Variants in ERC2 observed in about 807,000 individuals in gnomAD.
ERC2 encodes the protein ELKS/RAB6-interacting/CAST family member 2.
Under a neutral mutation model 114.8 loss-of-function variants are expected in ERC2, and 42 were observed. That is an observed-to-expected ratio of 0.37 (90% CI 0.29 to 0.47). ERC2 has a LOEUF of 0.47. ERC2 is among the 20% of genes least tolerant of loss of function. The pLI is 0.99. For missense variants in ERC2, 939 were observed against 1,150.7 expected (o/e 0.82, Z 2.66); for synonymous variants, 454 against 425.5 (o/e 1.07, Z -0.82).
chr3:56,194,295 A>G (rs961222602), intron 3 of ERC2, among the ~76,000 whole-genome samples: 2 of 151,990 alleles, frequency 1.3e-5, no homozygotes, highest in African/African-American at 4.8e-5. Context: ...CTTTATTTGG[A>G]AAAAAAAGGT....
chr3:55,571,299 C>T (rs996652046), intron 17 of ERC2, among the ~76,000 whole-genome samples: 1 of 151,978 alleles, frequency 6.6e-6, no homozygotes, highest in East Asian at 1.9e-4. Context: ...GCCTTAGGGA[C>T]CTGAAGGACA....
At chr3:56,202,497 C>G (rs1560363726) in intron 3 of ERC2, among the ~76,000 whole-genome samples, 1 of 116,296 alleles carries the variant, frequency 8.6e-6, no homozygotes, top group Non-Finnish European at 1.9e-5. Context: ...TCTCTAAACT[C>G]AAGCTTTTTT....
intron 2 of ERC2, among the ~76,000 whole-genome samples, chr3:56,380,910 A>C (rs895081070): frequency 2.0e-5 from 3 of 152,226 alleles, no homozygotes; most frequent in Admixed American, 2.0e-4. Flanking sequence ...CCATCAAACT[A>C]GGCCAATTTA....
At chr3:56,026,185 G>C (rs2074040867) in intron 7 of ERC2, among the ~76,000 whole-genome samples, 2 of 150,970 alleles carry the variant, frequency 1.3e-5, no homozygotes, top group African/African-American at 4.9e-5. Flanking sequence ...AAGTAGCTGG[G>C]ACTACAGGTG....
chr3:56,362,959 C>A (rs2059013921), intron 2 of ERC2, among the ~76,000 whole-genome samples: 1 of 152,198 alleles, frequency 6.6e-6, no homozygotes, highest in African/African-American at 2.4e-5. Context: ...ATCACCTGGT[C>A]TCCTTTGGGA....
intron 3 of ERC2, among the ~76,000 whole-genome samples, chr3:56,230,680 T>C (rs1478529110): frequency 6.6e-6 from 1 of 152,248 alleles, no homozygotes; most frequent in South Asian, 2.1e-4. Context: ...TGCAGAATTA[T>C]GTATGTAAGA....
At chr3:55,520,909 G>C (rs1226303739) in intron 17 of ERC2, among the ~76,000 whole-genome samples, 2 of 152,208 alleles carry the variant, frequency 1.3e-5, no homozygotes, top group Non-Finnish European at 2.9e-5. Flanking sequence ...TAAGAAAGCT[G>C]TCATGTTCGG....
chr3:56,259,796 G>A (rs2052792831), intron 3 of ERC2, among the ~76,000 whole-genome samples: 2 of 152,130 alleles, frequency 1.3e-5, no homozygotes, highest in African/African-American at 4.8e-5. Flanking sequence ...AGCAAGCTAG[G>A]CCTGACTGGT....
intron 14 of ERC2, among the ~76,000 whole-genome samples, chr3:55,742,160 A>G (rs922425214): frequency 9.2e-5 from 14 of 151,798 alleles, no homozygotes; most frequent in African/African-American, 3.4e-4. Context: ...ATCTCCTGCC[A>G]AGATAAATGC....
intron 17 of ERC2, among the ~76,000 whole-genome samples, chr3:55,622,786 T>C (rs1432904409): frequency 6.6e-6 from 1 of 152,000 alleles, no homozygotes; most frequent in Non-Finnish European, 1.5e-5. Flanking sequence ...GTCATATTAC[T>C]GGAAGAGTGA....
At chr3:55,914,126 AT>A (rs1313044502) in intron 13 of ERC2, among the ~76,000 whole-genome samples, 7 of 152,192 alleles carry the variant, frequency 4.6e-5, no homozygotes, top group Non-Finnish European at 7.3e-5. Context: ...AATTTAAAAA[AT>A]ATTTTCAGTT....
chr3:55,849,368 T>C (rs7631846), intron 14 of ERC2, among the ~76,000 whole-genome samples: 17,268 of 152,218 alleles, frequency 0.11, 1,806 homozygotes, highest in African/African-American at 0.28. Flanking sequence ...AATGTCTATT[T>C]GCTTTAGGCC....
intron 15 of ERC2, among the ~76,000 whole-genome samples, chr3:55,731,935 C>T (rs756872220): frequency 1.3e-5 from 2 of 152,120 alleles, no homozygotes; most frequent in Non-Finnish European, 2.9e-5. Context: ...ATCTACTTTA[C>T]GTTTATGAAG....
At chr3:55,590,146 A>C (rs1049342097) in intron 17 of ERC2, among the ~76,000 whole-genome samples, 1 of 152,236 alleles carries the variant, frequency 6.6e-6, no homozygotes, top group Non-Finnish European at 1.5e-5. Context: ...AACGATGGCC[A>C]ATGAACAAAT....
chr3:55,554,983 T>A (rs2055496905), intron 17 of ERC2, among the ~76,000 whole-genome samples: 1 of 152,132 alleles, frequency 6.6e-6, no homozygotes, highest in South Asian at 2.1e-4. Context: ...GCCCTGGCTC[T>A]CAGACAGAAA....
At chr3:55,849,289 G>A (rs1246492614) in intron 14 of ERC2, among the ~76,000 whole-genome samples, 1 of 152,168 alleles carries the variant, frequency 6.6e-6, no homozygotes, top group Non-Finnish European at 1.5e-5. Context: ...ATCTGGACAT[G>A]TAGGAAGTGC....
chr3:55,543,147 A>G (rs1469442949), intron 17 of ERC2, among the ~76,000 whole-genome samples: 3 of 151,616 alleles, frequency 2.0e-5, no homozygotes, highest in Non-Finnish European at 2.9e-5. Flanking sequence ...ACTCCATCAG[A>G]CCTCGTCTCT....
intron 7 of ERC2, among the ~76,000 whole-genome samples, chr3:56,024,417 G>A (rs764247594): frequency 4.6e-5 from 7 of 152,196 alleles, no homozygotes; most frequent in Admixed American, 1.3e-4. Context: ...GAGAAAGGAA[G>A]GAACCCTAAC....
chr3:56,341,698 T>A (rs2058095919), intron 2 of ERC2, among the ~76,000 whole-genome samples: 2 of 152,176 alleles, frequency 1.3e-5, no homozygotes, highest in South Asian at 2.1e-4. Flanking sequence ...CCAGTAATCC[T>A]GTTAGCAATT....
Sources: allele counts gnomAD v4.1 joint callset (sites outside exome capture counted in the v4.1 genomes callset), GRCh38; gene constraint gnomAD v4.1.1; transcripts MANE v1.5; gene names NCBI Gene and HGNC (gene_info 2026-07-23, HGNC 2026-07-21).